Variants in OPTN observed in about 807,000 individuals in gnomAD.
OPTN encodes the protein E3-14.7K-interacting protein.
A neutral mutation model predicts 70.4 loss-of-function variants in OPTN; 54 were observed. The ratio of observed to expected loss-of-function variants is 0.77; its 90% CI spans 0.62 to 0.96. The LOEUF is 0.96. OPTN is among the 40% of genes least tolerant of loss of function. The pLI is 0.00. For synonymous variants in OPTN, 256 were observed against 248.5 expected, an observed-to-expected ratio of 1.03 and a Z score of -0.28; for missense variants, 624 against 673.2, an observed-to-expected ratio of 0.93 and a Z score of 0.81.
At chr10:13,126,174 T>C (rs1833455770) in intron 11 of OPTN, 135 bp downstream of exon 11, 1 of 669,842 alleles carries the variant, frequency 1.5e-6, no homozygotes, top group Admixed American at 2.3e-5. Context: ...TCATTATTTC[T>C]TGCATCTAGG....
At chr10:13,115,449 ATTC>A (rs1353670107) in intron 5 of OPTN, among the ~76,000 whole-genome samples, 2 of 101,936 alleles carry the variant, frequency 2.0e-5, no homozygotes, top group African/African-American at 4.7e-5. Context: ...TATATAATAT[ATTC>A]TATATTATAT....
intron 9 of OPTN, 23 bp from the exon 10 acceptor site, chr10:13,125,390 ATCCTC>A: frequency 6.2e-7 from 1 of 1,613,678 alleles, no homozygotes; most frequent in Non-Finnish European, 8.5e-7. Context: ...AGCATTGTTT[ATCCTC>A]ATGAAATCTT....
chr10:13,128,328 C>T (rs1833512534), intron 12 of OPTN, among the ~76,000 whole-genome samples: 1 of 152,080 alleles, frequency 6.6e-6, no homozygotes. Flanking sequence ...TTCCATGGCT[C>T]TACATCTTAC....
chr10:13,135,079 TC>T (rs779895017), intron 14 of OPTN, among the ~76,000 whole-genome samples: 100 of 152,284 alleles, frequency 6.6e-4, no homozygotes, highest in Middle Eastern at 6.8e-3. Context: ...TCTCAAATAT[TC>T]ATACATGTTA....
chr10:13,111,570 T>C (rs1227714265), intron 4 of OPTN, among the ~76,000 whole-genome samples: 2 of 151,872 alleles, frequency 1.3e-5, no homozygotes, highest in South Asian at 4.2e-4. Context: ...TGGTAGTGCG[T>C]GCCTGTAGTC....
chr10:13,120,629 T>C (rs931051962), intron 7 of OPTN, among the ~76,000 whole-genome samples: 2 of 151,882 alleles, frequency 1.3e-5, no homozygotes, highest in Admixed American at 6.6e-5. Flanking sequence ...CTGTGGTCCA[T>C]TTTGAGTTTG....
Position 13,122,366 on chromosome 10 carries a change from A to G in OPTN, c.780-19A>G, listed in dbSNP as rs776138794. ...AAGCCAAAGAGAAAGTAACTTTTCT[A>G]TCTTCTGTGATTTTCCAGAGTTTCA... On this transcript the variant is annotated intron_variant, in intron 7 of 14. Transcript: ENST00000378747. 2.6e-6 allele frequency: 4 copies of G among 1,555,010 alleles called. No individual in the cohort carries two copies. Among genetic ancestry groups the G allele is most frequent in the South Asian group, 2.2e-5 (2 of 89,886 alleles).
intron 9 of OPTN, 50 bp downstream of exon 9, chr10:13,124,160 A>G (rs970587404): frequency 1.3e-5 from 13 of 1,021,726 alleles, no homozygotes; most frequent in East Asian, 2.5e-5. Flanking sequence ...ACATTTTTAC[A>G]AAGTATACTA....
chr10:13,134,730 T>C (rs1458158758), intron 14 of OPTN, among the ~76,000 whole-genome samples: 2 of 152,174 alleles, frequency 1.3e-5, no homozygotes, highest in African/African-American at 2.4e-5. Flanking sequence ...GCCCGGCTAA[T>C]TTGTATTTTC....
At chr10:13,105,557 A>G (rs1832847648) in intron 1 of OPTN, among the ~76,000 whole-genome samples, 1 of 152,206 alleles carries the variant, frequency 6.6e-6, no homozygotes, top group East Asian at 1.9e-4. Flanking sequence ...TGATGTAACA[A>G]CTAGAACCAG....
At chr10:13,120,731 A>G (rs531886684) in intron 7 of OPTN, among the ~76,000 whole-genome samples, 1 of 152,238 alleles carries the variant, frequency 6.6e-6, no homozygotes, top group South Asian at 2.1e-4. Flanking sequence ...CAGTACCACA[A>G]TGTCTTGAGT....
chr10:13,118,212 T>G (rs57199113), intron 6 of OPTN, among the ~76,000 whole-genome samples: 1 of 152,142 alleles, frequency 6.6e-6, no homozygotes, highest in Non-Finnish European at 1.5e-5. Context: ...ATCCTGGCTG[T>G]TTATTAGCTA....
At chr10:13,130,360 G>T (rs190708413) in intron 12 of OPTN, among the ~76,000 whole-genome samples, 8 of 146,374 alleles carry the variant, frequency 5.5e-5, no homozygotes, top group African/African-American at 2.0e-4. Flanking sequence ...GGGAGGCAGA[G>T]GTTGCAGTGA....
Position 13,110,336 on chromosome 10 carries a change from G to C in OPTN, c.229G>C (p.Glu77Gln). Residue 77 changes from glutamate to glutamine, a missense_variant, in exon 4 of 15, where the codon GAG (glutamate) becomes CAG (glutamine). Coordinates refer to ENST00000378747, the MANE Select transcript of OPTN (RefSeq NM_001008212.2). ...ATTTGAGGAGCTTTCGGCCTGGACA[G>C]AGAAACAGAAGGAAGAACGCCAGTT... ...GRFEELSAWT[E>Q]KQKEERQFFE... The C allele has an allele frequency of 6.2e-7, 1 of 1,614,110 alleles. No individual in the cohort carries two copies. Among genetic ancestry groups the C allele is most frequent in the Non-Finnish European group, 8.5e-7 (1 of 1,180,042 alleles).
At chr10:13,113,779 C>T (rs1256374191) in intron 5 of OPTN, among the ~76,000 whole-genome samples, 6 of 152,084 alleles carry the variant, frequency 3.9e-5, no homozygotes, top group Non-Finnish European at 7.3e-5. Flanking sequence ...AGGGACTGGC[C>T]GGGTGTAATG....
At position 13,112,472 on chromosome 10, in the gene OPTN, G is replaced by A. The variant is rs1357436665; in HGVS notation, c.389G>A (p.Arg130Lys). ...RSSEDPTDDS[R>K]LPRAEAEQEK... ...CTCCAGGACCCCACTGATGACTCCA[G>A]GCTTCCCAGGGCCGAAGCGGAGCAG... The change falls in exon 5 of 15, where the codon AGG (arginine) becomes AAG (lysine). Residue 130 changes from arginine to lysine, a missense_variant. By Grantham distance (26) the Arg-to-Lys change is conservative. Transcript: ENST00000378747. 1.9e-6 allele frequency: 3 copies of A among 1,613,988 alleles called. No individual in the cohort carries two copies. In the East Asian group the frequency reaches 6.7e-5, roughly 36 times the overall value.
At chr10:13,109,669 A>G (rs184358625) in intron 3 of OPTN, 1 of 120,230 alleles carries the variant, frequency 8.3e-6, no homozygotes, top group African/African-American at 3.6e-5. Context: ...CTACAAAAAA[A>G]TTAAAAAAAA....
chr10:13,115,451 T>A (rs1388920282), intron 5 of OPTN, among the ~76,000 whole-genome samples: 11 of 103,210 alleles, frequency 1.1e-4, no homozygotes, highest in African/African-American at 4.2e-4. Context: ...TATAATATAT[T>A]CTATATTATA....
At chr10:13,104,343 T>C (rs1440340328) in intron 1 of OPTN, among the ~76,000 whole-genome samples, 1 of 145,336 alleles carries the variant, frequency 6.9e-6, no homozygotes, top group African/African-American at 2.5e-5. Context: ...CACTGCAACC[T>C]CTGCCTCCCA....
Sources: allele counts gnomAD v4.1 joint callset (sites outside exome capture counted in the v4.1 genomes callset), GRCh38; gene constraint gnomAD v4.1.1; transcripts MANE v1.5; gene names NCBI Gene and HGNC (gene_info 2026-07-23, HGNC 2026-07-21).